Variants in ATP13A5 observed in about 807,000 individuals in gnomAD.
The protein encoded by ATP13A5 is ATPase 13A5.
ATP13A5 carries 149 observed loss-of-function variants against 150.2 expected under a neutral mutation model. The ratio of observed to expected loss-of-function variants is 0.99; its 90% CI spans 0.87 to 1.14. The LOEUF (loss-of-function observed/expected upper bound fraction) is 1.14, where lower values mean the gene tolerates loss of function less well. Ranked by LOEUF, ATP13A5 falls within the 50% of genes most tolerant of loss-of-function variation. ATP13A5 has a pLI of 0.00. For synonymous variants in ATP13A5, 497 were observed against 522.2 expected (o/e 0.95, Z 0.66); for missense variants, 1,383 against 1,449.3 (o/e 0.95, Z 0.74).
At position 193,314,033 on chromosome 3, in the gene ATP13A5, T is replaced by G. The variant is rs371266657; in HGVS notation, c.2319A>C (p.Lys773Asn). 6.2e-7 allele frequency: 1 copy of G among 1,612,696 alleles called. No homozygotes were observed. The highest frequency in any genetic ancestry group is 8.5e-7 in the Non-Finnish European group (1 of 1,179,762). The change falls in exon 19 of 30, where the codon AAA becomes AAC. Residue 773 changes from lysine (K) to asparagine (N), a missense_variant and splice_region_variant. Transcript: ENST00000342358. Reference sequence around the variant, plus strand: ...GAGGGGCCTTCTAACATTTGCTCACTTTCTTCCCAGGTCCAGTCTCTTGGT... The same window carrying G: ...GAGGGGCCTTCTAACATTTGCTCACGTTCTTCCCAGGTCCAGTCTCTTGGT... The part of the protein sequence containing the change: ...VENQETGPGK[K>N]EIYMHTGNSS...
intron 17 of ATP13A5, among the ~76,000 whole-genome samples, chr3:193,317,591 C>T (rs1354334265): frequency 1.3e-5 from 2 of 152,082 alleles, no homozygotes; most frequent in Non-Finnish European, 2.9e-5. Context: ...ATTATGACTC[C>T]AATTTTTAAG....
At chr3:193,277,424 G>A (rs1036898659) in intron 28 of ATP13A5, among the ~76,000 whole-genome samples, 3 of 152,004 alleles carry the variant, frequency 2.0e-5, no homozygotes, top group Non-Finnish European at 2.9e-5. Flanking sequence ...AACTTCCCAC[G>A]GCTGCATCCA....
intron 14 of ATP13A5, chr3:193,323,240 C>T (rs1719347667): frequency 6.6e-6 from 1 of 151,990 alleles, no homozygotes; most frequent in Admixed American, 6.6e-5. Flanking sequence ...CACTTTATTT[C>T]TGTAGATCTC....
chr3:193,362,443 A>ATTGC lies in ATP13A5; in HGVS notation c.470_473dup (p.Asn158LysfsTer6), dbSNP rs1399061575. On this transcript the variant is annotated frameshift_variant, in exon 5 of 30. Transcript: ENST00000342358. LOFTEE classifies it high-confidence loss of function. The stretch of plus-strand genomic sequence containing the variant: ...ATGTCTGATGGATGTCAGAGCAGGA[A>ATTGC]TTGCTGTCTTCTAGCAACCTAGGAT... 1 of 1,614,146 alleles carries ATTGC rather than the reference A, an allele frequency of 6.2e-7. No individual in the cohort carries two copies. The highest frequency in any genetic ancestry group is 2.2e-5 in the East Asian group (1 of 44,880).
At chr3:193,347,288 T>C (rs1231103690) in intron 7 of ATP13A5, among the ~76,000 whole-genome samples, 2 of 814 alleles carry the variant, frequency 2.5e-3, no homozygotes, top group Non-Finnish European at 4.6e-3. Flanking sequence ...TATTTAATTT[T>C]TTTAATTCTC....
chr3:193,291,373 T>C (rs1331583678), intron 25 of ATP13A5, among the ~76,000 whole-genome samples: 1 of 152,084 alleles, frequency 6.6e-6, no homozygotes, highest in Non-Finnish European at 1.5e-5. Flanking sequence ...GATTGTGTAA[T>C]AAAGAAGCTG....
intron 25 of ATP13A5, 106 bp from the exon 26 acceptor site, chr3:193,290,165 A>C: frequency 8.8e-7 from 1 of 1,141,268 alleles, no homozygotes; most frequent in Non-Finnish European, 1.2e-6. Context: ...ATTCAGACTA[A>C]GCAAACACGA....
intron 5 of ATP13A5, among the ~76,000 whole-genome samples, chr3:193,355,820 C>T (rs921378049): frequency 6.6e-6 from 1 of 152,148 alleles, no homozygotes; most frequent in African/African-American, 2.4e-5. Flanking sequence ...GAACTTAGGA[C>T]CCCAAACTCG....
At chr3:193,342,226 C>G (rs983172829) in intron 9 of ATP13A5, among the ~76,000 whole-genome samples, 3 of 152,180 alleles carry the variant, frequency 2.0e-5, no homozygotes, top group African/African-American at 7.2e-5. Flanking sequence ...AGACTTCTAT[C>G]TATGCAAAGG....
At chr3:193,335,186 A>T in intron 9 of ATP13A5, 87 bp from the exon 10 acceptor site, 1 of 1,252,792 alleles carries the variant, frequency 8.0e-7, no homozygotes, top group Non-Finnish European at 1.1e-6. Flanking sequence ...AATTATACAA[A>T]CCACAACTAA....
intron 12 of ATP13A5, among the ~76,000 whole-genome samples, chr3:193,327,423 G>A (rs1199546082): frequency 6.6e-6 from 1 of 152,176 alleles, no homozygotes; most frequent in Admixed American, 6.5e-5. Context: ...CTATCTCGCT[G>A]AAGCAGAGCT....
Position 193,371,171 on chromosome 3 carries a change from A to G in ATP13A5, c.64-6891T>C, listed in dbSNP as rs892378478. Among the ~76,000 whole-genome samples, 6 of 152,352 alleles carry G rather than the reference A, an allele frequency of 3.9e-5. No individual in the cohort carries two copies. The South Asian group carries it at 8.3e-4, about 21-fold the overall frequency. On this transcript the variant is annotated intron_variant, in intron 1 of 29. Transcript: ENST00000342358. ...AATTTGCCCTAGATCAAGGGCATGG[A>G]ACAACATGGCAAGTTCGGTTAAAAG...
At chr3:193,372,664 T>C (rs1713494564) in intron 1 of ATP13A5, among the ~76,000 whole-genome samples, 3 of 152,220 alleles carry the variant, frequency 2.0e-5, no homozygotes, top group Admixed American at 1.3e-4. Context: ...CTACATCACA[T>C]TGGCAAATAA....
intron 24 of ATP13A5, among the ~76,000 whole-genome samples, chr3:193,300,780 C>T (rs1345743596): frequency 6.6e-6 from 1 of 152,132 alleles, no homozygotes; most frequent in Non-Finnish European, 1.5e-5. Flanking sequence ...GAATAAGGGT[C>T]CATTGTGAAA....
Position 193,314,966 on chromosome 3 carries a change from A to G in ATP13A5, c.2158+6T>C, listed in dbSNP as rs751370012. The G allele has an allele frequency of 1.2e-6, 2 of 1,612,654 alleles. No homozygotes were observed. Among genetic ancestry groups the G allele is most frequent in the South Asian group, 1.1e-5 (1 of 90,824 alleles). On this transcript the variant is annotated splice_donor_region_variant and intron_variant, in intron 18 of 29. Coordinates refer to ENST00000342358, the MANE Select transcript of ATP13A5 (RefSeq NM_198505.4). ...ACTTGCCAGGCCCCTAGAAACAAAT[A>G]CATACCTGTAATCATCACAGTCCTG...
At position 193,318,950 on chromosome 3, in the gene ATP13A5, G is replaced by T. The variant is rs73888251; in HGVS notation, c.2033+41C>A. 6 of 1,416,408 alleles carry T rather than the reference G, an allele frequency of 4.2e-6. 1 individual carries two copies. Among genetic ancestry groups the T allele is most frequent in the Admixed American group, 3.4e-5 (2 of 59,570 alleles). The allele number at this position is 1,416,408 out of a possible 1,614,324, so 87.7% of individuals were successfully genotyped here. On this transcript the variant is annotated intron_variant, in intron 17 of 29. Transcript: ENST00000342358. ...TCATCTCCAGGACTCGCACTTCATG[G>T]GCACAGAGCCTGCTCTAGTGCCAAT...
intron 9 of ATP13A5, among the ~76,000 whole-genome samples, chr3:193,340,237 T>C (rs755562505): frequency 1.2e-3 from 176 of 152,310 alleles, no homozygotes; most frequent in Non-Finnish European, 2.2e-3. Context: ...AAATTCCAAG[T>C]CCTTTTAATT....
chr3:193,348,936 G>A (rs7633583), intron 7 of ATP13A5, among the ~76,000 whole-genome samples: 146,984 of 152,290 alleles, frequency 0.97, 70,964 homozygotes, highest in African/African-American at 0.99. Context: ...GTGAGTGTGA[G>A]TAAGTCCCTT....
chr3:193,359,394 C>T (rs1052914379), intron 5 of ATP13A5, among the ~76,000 whole-genome samples: 1 of 152,160 alleles, frequency 6.6e-6, no homozygotes, highest in Non-Finnish European at 1.5e-5. Context: ...TTCTCTCTCT[C>T]TCTCTCACCT....
Sources: allele counts gnomAD v4.1 joint callset (sites outside exome capture counted in the v4.1 genomes callset), GRCh38; gene constraint gnomAD v4.1.1; transcripts MANE v1.5; gene names NCBI Gene and HGNC (gene_info 2026-07-23, HGNC 2026-07-21).